The following HIPK2 variants were observed in gnomAD, a reference collection of about 807,000 sequenced individuals.
HIPK2 encodes homeodomain interacting protein kinase 2.
Under a neutral mutation model 113.7 loss-of-function variants are expected in HIPK2, and 27 were observed. The ratio of observed to expected loss-of-function variants is 0.24; its 90% CI spans 0.17 to 0.33. The LOEUF is 0.33. HIPK2 is among the 10% of genes least tolerant of loss of function. The pLI, the probability that HIPK2 is intolerant of heterozygous loss-of-function variation, is 1.00. For missense variants in HIPK2, 1,257 were observed against 1,588.0 expected (o/e 0.79, Z 3.54); for synonymous variants, 631 against 642.2 (o/e 0.98, Z 0.26).
Position 139,631,050 on chromosome 7 carries a change from C to A in HIPK2, c.1347+115G>T. ...CAGCCATACCATGTATTAACAACAG[C>A]ACCCCCAGTGCCCTCATTTTGCTGA... On this transcript the variant is annotated intron_variant, in intron 4 of 14. Transcript: ENST00000406875. The surrounding 1 kb of genome is among the most constrained non-coding windows in gnomAD (Gnocchi z 4.9). The A allele has an allele frequency of 7.4e-7, 1 of 1,357,268 alleles. No homozygotes were observed. The highest frequency in any genetic ancestry group is 9.9e-7 in the Non-Finnish European group (1 of 1,012,960). 84.1% of individuals were successfully genotyped at this position (1,357,268 alleles called of 1,614,324 possible).
At chr7:139,633,793 A>G (rs1003722425) in intron 2 of HIPK2, among the ~76,000 whole-genome samples, 1 of 152,104 alleles carries the variant, frequency 6.6e-6, no homozygotes, top group African/African-American at 2.4e-5. Context: ...AAAAATACAA[A>G]AATTAGCCAG....
intron 2 of HIPK2, among the ~76,000 whole-genome samples, chr7:139,671,980 A>G (rs1802317293): frequency 1.3e-5 from 2 of 152,246 alleles, no homozygotes; most frequent in African/African-American, 4.8e-5. Context: ...TTTGCTACTT[A>G]TACCTCTGGT....
intron 1 of HIPK2, among the ~76,000 whole-genome samples, chr7:139,739,798 A>G (rs1307841282): frequency 6.6e-6 from 1 of 152,152 alleles, no homozygotes; most frequent in Non-Finnish European, 1.5e-5. Context: ...TTTCATATAA[A>G]TGGTATCACA....
intron 1 of HIPK2, among the ~76,000 whole-genome samples, chr7:139,729,257 A>G (rs1795689757): frequency 6.7e-6 from 1 of 149,970 alleles, no homozygotes; most frequent in African/African-American, 2.4e-5. Flanking sequence ...GCTGGGAGGT[A>G]GAGGTTGCAG....
intron 2 of HIPK2, among the ~76,000 whole-genome samples, chr7:139,688,457 G>C: frequency 6.6e-6 from 1 of 152,192 alleles, no homozygotes. Context: ...GTGGAAGAAC[G>C]GGCTTCTCAC....
intron 1 of HIPK2, among the ~76,000 whole-genome samples, chr7:139,767,475 A>G (rs897310841): frequency 6.6e-6 from 1 of 152,232 alleles, no homozygotes; most frequent in African/African-American, 2.4e-5. Flanking sequence ...CAAGTGGGAA[A>G]AAATAAATAG....
Position 139,716,068 on chromosome 7 carries a change from C to A in HIPK2, c.967G>T (p.Ala323Ser), listed in dbSNP as rs1795224647. The change falls in exon 2 of 15, where the codon GCT becomes TCT. Residue 323 changes from alanine to serine, a missense_variant. Physicochemically the swap from Ala to Ser is moderately conservative, Grantham distance 99. Coordinates refer to ENST00000406875, the MANE Select transcript of HIPK2 (RefSeq NM_022740.5). This position sits in a 1 kb window ranked among gnomAD's most constrained non-coding sequence, Gnocchi z 9.3. ...ATGATGTTTTCTGGTTTGAGGTCAG[C>A]GTGGATAAGACCTAGGCTTTTGAGT... Reference protein sequence around the residue: ...MKLKSLGLIHADLKPENIMLV... With the variant: ...MKLKSLGLIHSDLKPENIMLV... 3 of 1,613,956 alleles carry A rather than the reference C, an allele frequency of 1.9e-6. No homozygotes were observed. Among genetic ancestry groups the A allele is most frequent in the Non-Finnish European group, 2.5e-6 (3 of 1,179,982 alleles).
Position 139,626,853 on chromosome 7 carries a change from A to G in HIPK2, c.1435-68T>C, listed in dbSNP as rs1242352085. 2.5e-6 allele frequency: 4 copies of G among 1,575,920 alleles called. No homozygotes were observed. In the African/African-American group the frequency reaches 4.1e-5, roughly 16 times the overall value. ...TGCCTCCCCTCTCCTGGCTCCCCTT[A>G]TTTTTTGCCCTGTAACTTCCTCCTG... On this transcript the variant is annotated intron_variant, in intron 5 of 14. Transcript: ENST00000406875.
At chr7:139,575,816 A>C (rs1389820518) in intron 13 of HIPK2, among the ~76,000 whole-genome samples, 1 of 152,098 alleles carries the variant, frequency 6.6e-6, no homozygotes, top group Admixed American at 6.5e-5. Flanking sequence ...AGCTATTGAG[A>C]GATTGGCTTT....
chr7:139,718,616 C>T (rs972079370), intron 1 of HIPK2, among the ~76,000 whole-genome samples: 3 of 152,154 alleles, frequency 2.0e-5, no homozygotes, highest in African/African-American at 7.2e-5. Context: ...CATATTTGTC[C>T]CATTTTCTCT....
At chr7:139,766,143 T>C (rs1455515329) in intron 1 of HIPK2, among the ~76,000 whole-genome samples, 1 of 152,180 alleles carries the variant, frequency 6.6e-6, no homozygotes, top group Non-Finnish European at 1.5e-5. Flanking sequence ...GTCGATCCCA[T>C]CTCTGCACTC....
intron 1 of HIPK2, among the ~76,000 whole-genome samples, chr7:139,744,632 T>C (rs1434389187): frequency 1.3e-5 from 2 of 152,188 alleles, no homozygotes; most frequent in Admixed American, 6.5e-5. Flanking sequence ...TGATACATAT[T>C]CTCACCCACC....
At chr7:139,582,935 A>T (rs1274316133) in intron 13 of HIPK2, among the ~76,000 whole-genome samples, 1 of 152,218 alleles carries the variant, frequency 6.6e-6, no homozygotes, top group East Asian at 1.9e-4. Flanking sequence ...ACCACCCAGG[A>T]AGAGTCCCCA....
intron 2 of HIPK2, among the ~76,000 whole-genome samples, chr7:139,699,831 T>C (rs1794658378): frequency 6.6e-6 from 1 of 152,074 alleles, no homozygotes; most frequent in East Asian, 1.9e-4. Flanking sequence ...ACGCCAGGGG[T>C]GTGCGGAGTG....
chr7:139,674,527 G>T (rs1802425574), intron 2 of HIPK2, among the ~76,000 whole-genome samples: 1 of 152,098 alleles, frequency 6.6e-6, no homozygotes, highest in African/African-American at 2.4e-5. Flanking sequence ...CAGGAAGAAA[G>T]GCATGAGGAT....
At chr7:139,588,952 G>A (rs184340105) in intron 12 of HIPK2, among the ~76,000 whole-genome samples, 1 of 152,274 alleles carries the variant, frequency 6.6e-6, no homozygotes, top group East Asian at 1.9e-4. Flanking sequence ...TCTCAGCTTC[G>A]GGCACAGCTA....
intron 1 of HIPK2, among the ~76,000 whole-genome samples, chr7:139,771,680 T>C (rs1290514429): frequency 6.6e-6 from 1 of 152,156 alleles, no homozygotes; most frequent in African/African-American, 2.4e-5. Flanking sequence ...TTCTCTTATA[T>C]GCGGTACTAA....
At chr7:139,755,094 C>A in intron 1 of HIPK2, among the ~76,000 whole-genome samples, 1 of 152,210 alleles carries the variant, frequency 6.6e-6, no homozygotes, top group East Asian at 1.9e-4. Flanking sequence ...CAGGGCTCAT[C>A]TTCTTCCTGT....
Position 139,777,588 on chromosome 7 carries a change from G to A in HIPK2, c.19+17C>T. On this transcript the variant is annotated intron_variant, in intron 1 of 14. Coordinates refer to ENST00000406875, the MANE Select transcript of HIPK2 (RefSeq NM_022740.5). Reference sequence around the variant, plus strand: ...AGGGCGGCGGGCGCGGGGTCGGCGGGGCCGGGCGCCCCTTACCTTCGTACA... The same window carrying A: ...AGGGCGGCGGGCGCGGGGTCGGCGGAGCCGGGCGCCCCTTACCTTCGTACA... 1 of 1,047,016 alleles carries A rather than the reference G, an allele frequency of 9.6e-7. No homozygotes were observed. The allele number at this position is 1,047,016 out of a possible 1,614,324, so 64.9% of individuals were successfully genotyped here.
Sources: gnomAD v4.1 joint callset for allele counts (sites outside exome capture counted in the v4.1 genomes callset) on GRCh38, gnomAD v4.1.1 for gene constraint, Gnocchi (gnomAD v3.1) non-coding constraint, MANE v1.5 for transcripts, NCBI Gene and HGNC (gene_info 2026-07-23, HGNC 2026-07-21) for gene names.